Variants in TRIM63 observed in about 807,000 individuals in gnomAD.
The protein encoded by TRIM63 is tripartite motif containing 63, also known as E3 ubiquitin-protein ligase TRIM63.
Under a neutral mutation model 46.0 loss-of-function variants are expected in TRIM63, and 48 were observed. The observed-to-expected ratio is 1.04, with a 90% CI of 0.83 to 1.33. TRIM63 has a LOEUF of 1.33. Among genes scored for constraint, TRIM63 ranks in the 40% most tolerant of loss-of-function variants. TRIM63 has a pLI of 0.00. For synonymous variants in TRIM63, 175 were observed against 162.8 expected, an observed-to-expected ratio of 1.08 and a Z score of -0.57; for missense variants, 455 against 441.2, an observed-to-expected ratio of 1.03 and a Z score of -0.28.
intron 7 of TRIM63, among the ~76,000 whole-genome samples, chr1:26,055,125 G>A (rs768856636): frequency 8.5e-5 from 13 of 152,180 alleles, no homozygotes; most frequent in Non-Finnish European, 1.9e-4. Flanking sequence ...GTGCCAAGTA[G>A]TGTGCTCAGT....
At chr1:26,057,795 G>T in intron 5 of TRIM63, 145 bp from the exon 6 acceptor site, 1 of 798,710 alleles carries the variant, frequency 1.3e-6, no homozygotes, top group Non-Finnish European at 1.9e-6. Context: ...CCCAAACTGA[G>T]CAGAATCTGG....
At position 26,051,674 on chromosome 1, in the gene TRIM63, T is replaced by C. The variant is rs560139273; in HGVS notation, c.*199A>G. On this transcript the variant is annotated 3_prime_UTR_variant, in exon 9 of 9. Coordinates refer to ENST00000374272, the MANE Select transcript of TRIM63 (RefSeq NM_032588.4). ...ATTGTTTCAAGCACGTTTCCAATTC[T>C]GGTTCAGTGTCTGCTGGACGCAGCG... 2.4e-6 allele frequency: 1 copy of C among 410,982 alleles called. No individual in the cohort carries two copies. Among genetic ancestry groups the C allele is most frequent in the African/African-American group, 2.1e-5 (1 of 48,698 alleles). 25.5% of individuals were successfully genotyped at this position (410,982 alleles called of 1,614,324 possible).
At chr1:26,060,591 C>T (rs1210269843) in intron 3 of TRIM63, among the ~76,000 whole-genome samples, 2 of 152,088 alleles carry the variant, frequency 1.3e-5, no homozygotes, top group African/African-American at 4.8e-5. Context: ...AGTGAGCTGC[C>T]CAAAACACAC....
At position 26,057,931 on chromosome 1, in the gene TRIM63, C is replaced by T. The variant is rs546122195; in HGVS notation, c.832-281G>A. 4.6e-5 allele frequency among the ~76,000 whole-genome samples: 7 copies of T among 152,316 alleles called. No homozygotes were observed. In the East Asian group the frequency reaches 1.4e-3, roughly 29 times the overall value. On this transcript the variant is annotated intron_variant, in intron 5 of 8. Transcript: ENST00000374272. Reference sequence around the variant, plus strand: ...CTCCTAAACCCTGAACTCCCCAATCCTAACCACCTTTTCATACCTAATGTC... The same window carrying T: ...CTCCTAAACCCTGAACTCCCCAATCTTAACCACCTTTTCATACCTAATGTC...
At chr1:26,063,418 T>C (rs1450619480) in intron 2 of TRIM63, among the ~76,000 whole-genome samples, 1 of 152,238 alleles carries the variant, frequency 6.6e-6, no homozygotes, top group African/African-American at 2.4e-5. Context: ...CTGGGCTCTA[T>C]TGTCCTCTGA....
At chr1:26,057,771 G>T in intron 5 of TRIM63, 121 bp from the exon 6 acceptor site, 1 of 1,030,246 alleles carries the variant, frequency 9.7e-7, no homozygotes, top group Non-Finnish European at 1.4e-6. Context: ...GCCCAGTTGT[G>T]ACCTGCTCCC....
intron 2 of TRIM63, among the ~76,000 whole-genome samples, chr1:26,064,218 G>A (rs1368196872): frequency 1.3e-5 from 2 of 152,140 alleles, no homozygotes; most frequent in African/African-American, 2.4e-5. Flanking sequence ...ATCACCTGAG[G>A]TCAGGAGTTT....
intron 5 of TRIM63, 36 bp from the exon 6 acceptor site, chr1:26,057,686 A>G (rs2050585760): frequency 6.3e-7 from 1 of 1,586,028 alleles, no homozygotes; most frequent in Non-Finnish European, 8.6e-7. Context: ...TTAGGACCGC[A>G]GAAGAGGTAA....
intron 8 of TRIM63, among the ~76,000 whole-genome samples, chr1:26,052,971 G>A (rs774977005): frequency 3.0e-4 from 46 of 152,252 alleles, no homozygotes; most frequent in South Asian, 8.3e-4. Flanking sequence ...AGACAGTGTA[G>A]TGTCCTCTGT....
At position 26,066,337 on chromosome 1, in the gene TRIM63, C is replaced by G. The variant is rs41284325; in HGVS notation, c.263G>C (p.Gly88Ala). ...CRHEVIMDRH[G>A]VYGLQRNLLV... ...CAGGTTCCTCTGCAGGCCGTACACT[C>G]CGTGACGATCCATGATCACCTCGTG... Residue 88 changes from glycine to alanine, a missense_variant, in exon 2 of 9, where the codon GGA becomes GCA. Coordinates refer to ENST00000374272, the MANE Select transcript of TRIM63 (RefSeq NM_032588.4). 9.4e-5 allele frequency: 151 copies of G among 1,614,178 alleles called. No individual in the cohort carries two copies. The highest frequency in any genetic ancestry group is 1.2e-4 in the Non-Finnish European group (144 of 1,180,032).
chr1:26,060,038 A>G (rs2050608268), intron 4 of TRIM63, among the ~76,000 whole-genome samples: 1 of 151,798 alleles, frequency 6.6e-6, no homozygotes, highest in African/African-American at 2.4e-5. Context: ...TGTCTGGTTC[A>G]CTCCTCCATC....
chr1:26,059,722 C>A (rs998955660), intron 4 of TRIM63, among the ~76,000 whole-genome samples: 6 of 152,130 alleles, frequency 3.9e-5, no homozygotes, highest in African/African-American at 1.4e-4. Context: ...ATCGTGGAAG[C>A]TTTTTTCAGG....
In TRIM63 at chr1:26,067,468, C is replaced by G. The variant is rs775790618; in HGVS notation, c.27G>C (p.Gln9His). The change falls in exon 1 of 9, where the codon CAG becomes CAC. Residue 9 changes from glutamine to histidine, a missense_variant. Transcript: ENST00000374272. ...CCAAGTTCTCCATGGGATTCCCATC[C>G]TGGATCAGGCTCGACTTATAATCCA... Reference protein sequence around the residue: MDYKSSLIQDGNPMENLEK... With the variant: MDYKSSLIHDGNPMENLEK... The G allele has an allele frequency of 6.2e-7, 1 of 1,614,162 alleles. No homozygotes were observed. Among genetic ancestry groups the G allele is most frequent in the South Asian group, 1.1e-5 (1 of 91,076 alleles).
chr1:26,064,602 G>T (rs371124080), intron 2 of TRIM63, among the ~76,000 whole-genome samples: 1 of 152,124 alleles, frequency 6.6e-6, no homozygotes, highest in East Asian at 1.9e-4. Context: ...AAGCAGATAG[G>T]AAAAATGCCT....
chr1:26,055,651 A>C (rs1267646839), intron 7 of TRIM63, among the ~76,000 whole-genome samples: 1 of 151,924 alleles, frequency 6.6e-6, no homozygotes, highest in African/African-American at 2.4e-5. Flanking sequence ...AGCTGGGATT[A>C]CAGGCATGCA....
chr1:26,060,442 G>T (rs2050613498), intron 3 of TRIM63, 81 bp from the exon 4 acceptor site: 6 of 1,043,824 alleles, frequency 5.7e-6, no homozygotes, highest in Non-Finnish European at 7.4e-6. Context: ...CAGCAACATG[G>T]CTTCCTCCCT....
At chr1:26,060,954 G>A (rs528637150) in intron 3 of TRIM63, among the ~76,000 whole-genome samples, 17 of 152,332 alleles carry the variant, frequency 1.1e-4, no homozygotes, top group Admixed American at 9.8e-4. Context: ...CCACACCCAG[G>A]TGCTCTCGAG....
chr1:26,064,009 C>T (rs561192982), intron 2 of TRIM63, among the ~76,000 whole-genome samples: 21 of 152,184 alleles, frequency 1.4e-4, no homozygotes, highest in African/African-American at 4.3e-4. Flanking sequence ...GAATATTCAC[C>T]GGCCGGCCAG....
At chr1:26,061,477 G>C (rs537495690) in intron 2 of TRIM63, 143 bp from the exon 3 acceptor site, 12 of 854,560 alleles carry the variant, frequency 1.4e-5, no homozygotes, top group Non-Finnish European at 2.1e-5. Flanking sequence ...CAGTGTGTCT[G>C]TGAATCTCCA....
Sources: allele counts gnomAD v4.1 joint callset (sites outside exome capture counted in the v4.1 genomes callset), GRCh38; gene constraint gnomAD v4.1.1; transcripts MANE v1.5; gene names NCBI Gene and HGNC (gene_info 2026-07-23, HGNC 2026-07-21).